STRADA: variants seen among roughly 807,000 people sequenced by gnomAD.
STRADA encodes the protein STE20-related kinase adapter protein alpha.
Under a neutral mutation model 55.0 loss-of-function variants are expected in STRADA, and 26 were observed. The ratio of observed to expected loss-of-function variants is 0.47; its 90% CI spans 0.35 to 0.66. The LOEUF (loss-of-function observed/expected upper bound fraction) is 0.66, where lower values mean the gene tolerates loss of function less well. Ranked by LOEUF, STRADA falls within the 30% of genes least tolerant of loss-of-function variation. STRADA has a pLI of 0.01. For missense variants in STRADA, 443 were observed against 549.7 expected, an observed-to-expected ratio of 0.81 and a Z score of 1.94; for synonymous variants, 197 against 210.9, an observed-to-expected ratio of 0.93 and a Z score of 0.57.
intron 3 of STRADA, chr17:63,726,317 A>T (rs990426027): frequency 3.3e-5 from 8 of 243,346 alleles, no homozygotes; most frequent in Non-Finnish European, 6.2e-5. Context: ...CTTTGTCTTG[A>T]CAATTATTTT....
chr17:63,707,602 C>A, intron 8 of STRADA, 184 bp from the exon 9 acceptor site: 1 of 622,304 alleles, frequency 1.6e-6, no homozygotes, highest in Non-Finnish European at 2.8e-6. Context: ...ACTCTGTCAC[C>A]CGGCTAGAGT....
chr17:63,710,415 C>A, intron 8 of STRADA, 76 bp downstream of exon 8: 1 of 1,583,154 alleles, frequency 6.3e-7, no homozygotes, highest in South Asian at 1.1e-5. Flanking sequence ...TAACTTCAGT[C>A]AAACTTCACT....
At chr17:63,710,339 T>A (rs577473464) in intron 8 of STRADA, 152 bp downstream of exon 8, 3 of 1,366,336 alleles carry the variant, frequency 2.2e-6, no homozygotes, top group Admixed American at 2.3e-5. Flanking sequence ...CTGGGCCCTG[T>A]TTCTTTTCAG....
chr17:63,707,154 G>A, intron 9 of STRADA, 93 bp downstream of exon 9: 3 of 1,521,662 alleles, frequency 2.0e-6, no homozygotes, highest in Non-Finnish European at 2.7e-6. Flanking sequence ...ACCCCACTGG[G>A]AGGTTGAGAG....
chr17:63,737,400 C>T (rs556499984), intron 1 of STRADA: 10 of 73,958 alleles, frequency 1.4e-4, no homozygotes, highest in African/African-American at 1.3e-3. Flanking sequence ...ACTTACAATA[C>T]TGTTAAGTGC....
intron 4 of STRADA, among the ~76,000 whole-genome samples, chr17:63,721,140 G>A (rs1239185100): frequency 1.3e-5 from 2 of 151,978 alleles, no homozygotes; most frequent in Non-Finnish European, 2.9e-5. Flanking sequence ...TTGGAAGGCC[G>A]AGGCAGGCGG....
chr17:63,711,947 A>G (rs1386225253), intron 6 of STRADA, among the ~76,000 whole-genome samples: 2 of 152,124 alleles, frequency 1.3e-5, no homozygotes, highest in East Asian at 1.9e-4. Context: ...ATAAAGAAAA[A>G]AAAAAGAAAA....
intron 3 of STRADA, among the ~76,000 whole-genome samples, chr17:63,724,702 G>A (rs531765269): frequency 6.6e-6 from 1 of 151,820 alleles, no homozygotes; most frequent in East Asian, 2.0e-4. Flanking sequence ...ATGAGCCACC[G>A]TGCCCAGCCT....
At chr17:63,714,340 G>A in intron 4 of STRADA, 2 of 451,902 alleles carry the variant, frequency 4.4e-6, no homozygotes, top group East Asian at 9.7e-5. Context: ...ACAAGGACCT[G>A]TTCCCATCAA....
chr17:63,714,708 C>T (rs573377399), intron 4 of STRADA, among the ~76,000 whole-genome samples: 8 of 152,292 alleles, frequency 5.3e-5, no homozygotes, highest in South Asian at 2.1e-4. Flanking sequence ...TCTCAGGCAT[C>T]GTCCAGGCAG....
chr17:63,706,548 A>G (rs3817182), intron 10 of STRADA, 87 bp downstream of exon 10: 581,187 of 876,992 alleles, frequency 0.66, 194,882 homozygotes, highest in African/African-American at 0.82. Context: ...TAGTATTCCT[A>G]GTCTGTGTCC....
chr17:63,740,013 C>T (rs2038772758), intron 1 of STRADA, among the ~76,000 whole-genome samples: 1 of 145,086 alleles, frequency 6.9e-6, no homozygotes, highest in South Asian at 2.2e-4. Flanking sequence ...AGCAATCCTA[C>T]TGCCTCAGTC....
At chr17:63,734,746 G>A (rs1460816914) in intron 1 of STRADA, among the ~76,000 whole-genome samples, 2 of 152,152 alleles carry the variant, frequency 1.3e-5, no homozygotes, top group African/African-American at 4.8e-5. Context: ...TACCACATGT[G>A]TATTTCAGTC....
chr17:63,714,481 C>G, intron 4 of STRADA: 1 of 304,688 alleles, frequency 3.3e-6, no homozygotes, highest in Non-Finnish European at 6.4e-6. Context: ...GGTAGGGGTT[C>G]TCATGAATTT....
At chr17:63,730,719 T>C (rs1360797392) in intron 1 of STRADA, among the ~76,000 whole-genome samples, 1 of 151,912 alleles carries the variant, frequency 6.6e-6, no homozygotes, top group Non-Finnish European at 1.5e-5. Context: ...CCACTACACC[T>C]GGCTAATTTT....
intron 1 of STRADA, among the ~76,000 whole-genome samples, chr17:63,732,780 CTA>C (rs1342193361): frequency 2.0e-5 from 3 of 151,844 alleles, no homozygotes; most frequent in Admixed American, 6.6e-5. Context: ...AGGTAACAGA[CTA>C]TGTTGTCCAG....
intron 1 of STRADA, among the ~76,000 whole-genome samples, chr17:63,739,699 T>C (rs971776713): frequency 2.9e-4 from 43 of 148,736 alleles, no homozygotes; most frequent in African/African-American, 1.0e-3. Context: ...AGTGTATTAA[T>C]ATGTATACAT....
chr17:63,712,729 G>T (rs114089098), intron 6 of STRADA, among the ~76,000 whole-genome samples: 4 of 151,132 alleles, frequency 2.6e-5, no homozygotes, highest in Non-Finnish European at 4.4e-5. Context: ...GGCCAGATGC[G>T]GTGGCTCACA....
chr17:63,740,143 T>TACACACACAC (rs763523792), intron 1 of STRADA, among the ~76,000 whole-genome samples: 18 of 46,598 alleles, frequency 3.9e-4, no homozygotes, highest in South Asian at 1.4e-3. Context: ...TACATATATA[T>TACACACACAC]ATATACACAC....
Sources: allele counts gnomAD v4.1 joint callset (sites outside exome capture counted in the v4.1 genomes callset), GRCh38; gene constraint gnomAD v4.1.1; transcripts MANE v1.5; gene names NCBI Gene and HGNC (gene_info 2026-07-23, HGNC 2026-07-21).